KDM1A: variants seen among roughly 807,000 people sequenced by gnomAD.
KDM1A encodes lysine demethylase 1A, also known as lysine-specific histone demethylase 1A.
KDM1A carries 49 observed loss-of-function variants against 109.4 expected under a neutral mutation model. That is an observed-to-expected ratio of 0.45 (90% CI 0.36 to 0.57). The LOEUF is 0.57. KDM1A is among the 20% of genes least tolerant of loss of function. KDM1A has a pLI of 0.00. For missense variants in KDM1A, 668 were observed against 1,116.6 expected (o/e 0.60, Z 5.73); for synonymous variants, 380 against 415.4 (o/e 0.91, Z 1.04).
At chr1:23,054,465 A>G (rs1234682062) in intron 5 of KDM1A, among the ~76,000 whole-genome samples, 1 of 152,190 alleles carries the variant, frequency 6.6e-6, no homozygotes, top group East Asian at 1.9e-4. Flanking sequence ...TTCACAGACT[A>G]ATAGTTCTAA....
At chr1:23,064,337 C>T (rs909743928) in intron 9 of KDM1A, among the ~76,000 whole-genome samples, 7 of 152,212 alleles carry the variant, frequency 4.6e-5, no homozygotes, top group African/African-American at 1.7e-4. Flanking sequence ...ACCAAATGAA[C>T]TAATCTTAAT....
intron 8 of KDM1A, 50 bp downstream of exon 8, chr1:23,057,615 A>G (rs781730911): frequency 3.0e-6 from 4 of 1,316,910 alleles, no homozygotes; most frequent in South Asian, 1.2e-5. Flanking sequence ...AAGACTCATA[A>G]AAGAAATTTA....
chr1:23,036,667 A>G (rs189649964), intron 2 of KDM1A, among the ~76,000 whole-genome samples: 37 of 152,274 alleles, frequency 2.4e-4, no homozygotes, highest in Non-Finnish European at 4.3e-4. Flanking sequence ...CTCTCAGATA[A>G]TTTATAGCCT....
chr1:23,032,528 G>C (rs1174568599), intron 2 of KDM1A, among the ~76,000 whole-genome samples: 1 of 152,004 alleles, frequency 6.6e-6, no homozygotes, highest in African/African-American at 2.4e-5. Context: ...AAAATTTTAA[G>C]TTGAGGATAT....
intron 18 of KDM1A, chr1:23,080,903 AT>A (rs984361049): frequency 2.0e-5 from 3 of 152,256 alleles, no homozygotes; most frequent in African/African-American, 7.2e-5. Flanking sequence ...TGTCTGTGTA[AT>A]TTTGCATCTG....
chr1:23,071,285 G>C lies in KDM1A; in HGVS notation c.1474G>C (p.Val492Leu). 2.5e-6 allele frequency: 4 copies of C among 1,612,638 alleles called. No homozygotes were observed. Among genetic ancestry groups the C allele is most frequent in the Non-Finnish European group, 3.4e-6 (4 of 1,179,434 alleles). Residue 492 changes from valine to leucine, a missense_variant, in exon 13 of 21, where the codon GTA becomes CTA. Physicochemically the swap from Val to Leu is conservative, Grantham distance 32 (BLOSUM62 1). This residue lies in a region of KDM1A where 62 missense variants were observed against 82.8 expected (regional missense o/e 0.75). Coordinates refer to ENST00000400181, the MANE Select transcript of KDM1A (RefSeq NM_001009999.3). ...TCAGCAATACAAAGAAGCATCTGAA[G>C]TAAAGCCACCCAGAGATATTACTGC... Reference protein sequence around the residue: ...LHQQYKEASEVKPPRDITAEF... With the variant: ...LHQQYKEASELKPPRDITAEF...
At chr1:23,047,060 A>C (rs943408076) in intron 3 of KDM1A, among the ~76,000 whole-genome samples, 1 of 152,226 alleles carries the variant, frequency 6.6e-6, no homozygotes, top group Non-Finnish European at 1.5e-5. Flanking sequence ...GTATTCTAAA[A>C]GATTTTTCCT....
chr1:23,041,022 CAG>C (rs1403738726), intron 2 of KDM1A, among the ~76,000 whole-genome samples: 2 of 152,164 alleles, frequency 1.3e-5, no homozygotes, highest in East Asian at 1.9e-4. Context: ...CTATCAGAAA[CAG>C]AGTCCTAGGC....
chr1:23,043,480 A>T (rs973269640), intron 2 of KDM1A, among the ~76,000 whole-genome samples: 4 of 152,174 alleles, frequency 2.6e-5, no homozygotes, highest in African/African-American at 9.7e-5. Context: ...TGGGGTACGT[A>T]TTTTAAAATA....
chr1:23,028,545 T>C (rs1338171294), intron 1 of KDM1A, among the ~76,000 whole-genome samples: 2 of 152,232 alleles, frequency 1.3e-5, no homozygotes, highest in African/African-American at 4.8e-5. Flanking sequence ...TATTAGGTAC[T>C]TAAGTCATTA....
At chr1:23,025,148 A>G (rs907940743) in intron 1 of KDM1A, among the ~76,000 whole-genome samples, 1 of 152,172 alleles carries the variant, frequency 6.6e-6, no homozygotes, top group African/African-American at 2.4e-5. Context: ...GAAATTAAAA[A>G]CAGTTTCTTC....
chr1:23,050,104 A>G (rs140492494), intron 3 of KDM1A, among the ~76,000 whole-genome samples: 23 of 152,312 alleles, frequency 1.5e-4, no homozygotes, highest in African/African-American at 5.3e-4. Flanking sequence ...CAGTAGTGCT[A>G]ATTTTAATTA....
chr1:23,019,779 C>G lies in KDM1A; in HGVS notation c.183C>G (p.Arg61=). 7.3e-7 allele frequency: 1 copy of G among 1,375,862 alleles called. No homozygotes were observed. 85.2% of individuals were successfully genotyped at this position (1,375,862 alleles called of 1,614,324 possible). The change falls in exon 1 of 21, where the codon CGC becomes CGG. Residue 61 remains arginine (R), a synonymous_variant. Coordinates refer to ENST00000400181, the MANE Select transcript of KDM1A (RefSeq NM_001009999.3). The part of the protein sequence containing the change: ...GPGAVGERTP[R]KKEPPRASPP... ...GGGCGGTGGGGGAGCGCACACCCCG[C>G]AAGAAAGAGCCTCCGCGGGCCTCGC...
intron 12 of KDM1A, among the ~76,000 whole-genome samples, chr1:23,069,670 T>C (rs954439100): frequency 6.6e-6 from 1 of 152,222 alleles, no homozygotes; most frequent in Non-Finnish European, 1.5e-5. Flanking sequence ...GAATTAGCTG[T>C]ACTGGAGCCA....
chr1:23,027,077 T>G (rs1162297013), intron 1 of KDM1A, among the ~76,000 whole-genome samples: 1 of 152,016 alleles, frequency 6.6e-6, no homozygotes, highest in African/African-American at 2.4e-5. Context: ...AAAAAAAAAC[T>G]TTATTAAATG....
At chr1:23,065,955 G>A in intron 9 of KDM1A, 105 bp from the exon 10 acceptor site, 1 of 1,507,080 alleles carries the variant, frequency 6.6e-7, no homozygotes, top group Non-Finnish European at 8.9e-7. Flanking sequence ...GTCATGCTAT[G>A]TGTTTAAAGC....
At chr1:23,037,409 C>A (rs1394960943) in intron 2 of KDM1A, among the ~76,000 whole-genome samples, 2 of 151,024 alleles carry the variant, frequency 1.3e-5, no homozygotes, top group Non-Finnish European at 2.9e-5. Context: ...ATGGTGAGAA[C>A]TCAGAAGTTT....
chr1:23,062,139 C>T (rs984304617), intron 9 of KDM1A, among the ~76,000 whole-genome samples: 1 of 152,188 alleles, frequency 6.6e-6, no homozygotes, highest in African/African-American at 2.4e-5. Flanking sequence ...TTATCATAAT[C>T]AGTAAGTTGA....
At chr1:23,056,384 T>C (rs1642831461) in intron 7 of KDM1A, among the ~76,000 whole-genome samples, 1 of 152,028 alleles carries the variant, frequency 6.6e-6, no homozygotes, top group Non-Finnish European at 1.5e-5. Flanking sequence ...TCCCTGTTTT[T>C]GATAAAGAAA....
Sources: allele counts gnomAD v4.1 joint callset (sites outside exome capture counted in the v4.1 genomes callset), GRCh38; gene constraint gnomAD v4.1.1; regional missense constraint gnomAD v4.1.1; transcripts MANE v1.5; gene names NCBI Gene and HGNC (gene_info 2026-07-23, HGNC 2026-07-21).